The following DNM3 variants were observed in gnomAD, a reference collection of about 807,000 sequenced individuals.
DNM3 encodes the protein dynamin 3, also known as dynamin-3.
DNM3 carries 47 observed loss-of-function variants against 101.6 expected under a neutral mutation model. That is an observed-to-expected ratio of 0.46 (90% CI 0.37 to 0.59). DNM3 has a LOEUF of 0.59. Ranked by LOEUF, DNM3 falls within the 20% of genes least tolerant of loss-of-function variation. The pLI is 0.00. For missense variants in DNM3, 849 were observed against 1,085.7 expected (o/e 0.78, Z 3.06); for synonymous variants, 385 against 387.9 (o/e 0.99, Z 0.09).
At position 172,388,777 on chromosome 1, in the gene DNM3, T is replaced by C; in HGVS notation, c.2490T>C (p.Ser830=). The C allele has an allele frequency of 6.2e-7, 1 of 1,601,514 alleles. No individual in the cohort carries two copies. The highest frequency in any genetic ancestry group is 8.5e-7 in the Non-Finnish European group (1 of 1,174,090). ...DSFGAPPQVP[S]RPTRAPPSVP... Reference sequence around the variant, plus strand: ...TCGGAGCCCCTCCACAAGTTCCATCTAGGCCTACGAGGGCCCCGCCCAGTG... The same window carrying C: ...TCGGAGCCCCTCCACAAGTTCCATCCAGGCCTACGAGGGCCCCGCCCAGTG... The change falls in exon 20 of 21, where the codon TCT becomes TCC. Residue 830 remains serine, a synonymous_variant. Coordinates refer to ENST00000627582, the MANE Select transcript of DNM3 (RefSeq NM_015569.5).
At chr1:171,952,002 T>A (rs551786484) in intron 2 of DNM3, among the ~76,000 whole-genome samples, 42 of 152,304 alleles carry the variant, frequency 2.8e-4, no homozygotes, top group African/African-American at 9.9e-4. Flanking sequence ...ATTTTGTGAT[T>A]GGCAATCAGT....
intron 14 of DNM3, among the ~76,000 whole-genome samples, chr1:172,236,617 A>C (rs1395971574): frequency 6.6e-6 from 1 of 152,050 alleles, no homozygotes; most frequent in Non-Finnish European, 1.5e-5. Context: ...AAAGGAAAGG[A>C]AAAGGAGGGG....
intron 13 of DNM3, among the ~76,000 whole-genome samples, chr1:172,118,967 C>T (rs1371402853): frequency 2.6e-5 from 4 of 151,680 alleles, no homozygotes; most frequent in Admixed American, 2.6e-4. Flanking sequence ...GGGGATTGGT[C>T]AGGCTGATGT....
Position 171,841,721 on chromosome 1 carries a change from C to G in DNM3, c.65C>G (p.Ala22Gly). 6.2e-7 allele frequency: 1 copy of G among 1,611,338 alleles called. No individual in the cohort carries two copies. Among genetic ancestry groups the G allele is most frequent in the Non-Finnish European group, 8.5e-7 (1 of 1,179,282 alleles). The change falls in exon 1 of 21, where the codon GCG (alanine) becomes GGG (glycine). Residue 22 changes from alanine to glycine, a missense_variant. By Grantham distance (60) the Ala-to-Gly change is moderately conservative. Around this residue, in one of 5 missense-constraint regions of DNM3, gnomAD observed 388 missense variants for 483.0 expected, o/e 0.80. Coordinates refer to ENST00000627582, the MANE Select transcript of DNM3 (RefSeq NM_015569.5). ...LVNRLQDAFS[A>G]LGQSCLLELP... The stretch of plus-strand genomic sequence containing the variant: ...AACCGTCTGCAGGACGCGTTTTCGG[C>G]GCTGGGACAGAGCTGCCTGCTGGAG...
At chr1:172,239,153 GTTTAAATAGGCTC>G in intron 14 of DNM3, among the ~76,000 whole-genome samples, 1 of 152,274 alleles carries the variant, frequency 6.6e-6, no homozygotes, top group Non-Finnish European at 1.5e-5. Flanking sequence ...AGAAAGCAGA[GTTTAAATAGGCTC>G]TCACTATTGT....
chr1:172,052,933 C>G (rs577483819), intron 10 of DNM3, among the ~76,000 whole-genome samples: 1 of 152,278 alleles, frequency 6.6e-6, no homozygotes, highest in South Asian at 2.1e-4. Context: ...TCTTTTCTTA[C>G]TTAAGGCCCT....
intron 14 of DNM3, among the ~76,000 whole-genome samples, chr1:172,134,110 C>G (rs2057090518): frequency 6.6e-6 from 1 of 152,130 alleles, no homozygotes; most frequent in African/African-American, 2.4e-5. Flanking sequence ...AAACTCTGAC[C>G]ATGGTCCAGG....
At chr1:171,861,437 A>G (rs2034165834) in intron 1 of DNM3, among the ~76,000 whole-genome samples, 1 of 152,188 alleles carries the variant, frequency 6.6e-6, no homozygotes, top group South Asian at 2.1e-4. Context: ...AAACTGTTAC[A>G]TTCGTGGTCA....
chr1:172,287,711 T>C (rs2063751906), intron 15 of DNM3, among the ~76,000 whole-genome samples: 1 of 151,674 alleles, frequency 6.6e-6, no homozygotes, highest in Admixed American at 6.6e-5. Flanking sequence ...AACCTCCAAT[T>C]TGAATGGTTG....
Position 171,891,717 on chromosome 1 carries a change from T to C in DNM3, c.162-30031T>C, listed in dbSNP as rs189488455. Among the ~76,000 whole-genome samples the C allele has an allele frequency of 2.6e-5, 4 of 152,344 alleles. No homozygotes were observed. In the East Asian group the frequency reaches 7.7e-4, roughly 29 times the overall value. The stretch of plus-strand genomic sequence containing the variant: ...CTCTGATGTTTTTCTCACGGAGTTA[T>C]GTGTTTTTGGGAGAAAGATCACAGA... On this transcript the variant is annotated intron_variant, in intron 1 of 20. Coordinates refer to ENST00000627582, the MANE Select transcript of DNM3 (RefSeq NM_015569.5).
At chr1:171,943,454 A>G (rs2041952002) in intron 2 of DNM3, among the ~76,000 whole-genome samples, 1 of 152,200 alleles carries the variant, frequency 6.6e-6, no homozygotes, top group South Asian at 2.1e-4. Context: ...ACAATCTATT[A>G]TCTCTAAAAC....
At chr1:172,073,812 G>A (rs2052414659) in intron 11 of DNM3, among the ~76,000 whole-genome samples, 1 of 152,166 alleles carries the variant, frequency 6.6e-6, no homozygotes, top group African/African-American at 2.4e-5. Context: ...GAAAGAGACA[G>A]GATTCAGTTG....
intron 1 of DNM3, among the ~76,000 whole-genome samples, chr1:171,921,105 G>GTT (rs1229865520): frequency 7.1e-6 from 1 of 141,638 alleles, no homozygotes; most frequent in Non-Finnish European, 1.5e-5. Context: ...TTTTTGTAGG[G>GTT]TTTTTTTTTT....
intron 14 of DNM3, among the ~76,000 whole-genome samples, chr1:172,150,772 C>T (rs74126011): frequency 0.028 from 4,224 of 152,262 alleles, 200 homozygotes; most frequent in African/African-American, 0.096. Flanking sequence ...ATCTCTAAAA[C>T]AGGGTTTTCT....
intron 15 of DNM3, among the ~76,000 whole-genome samples, chr1:172,281,207 G>A (rs1439016134): frequency 6.6e-6 from 1 of 151,954 alleles, no homozygotes; most frequent in African/African-American, 2.4e-5. Flanking sequence ...GTATAGAGAA[G>A]GATATACTAC....
chr1:172,387,432 C>G, intron 19 of DNM3, 73 bp downstream of exon 19: 1 of 1,265,682 alleles, frequency 7.9e-7, no homozygotes, highest in South Asian at 1.3e-5. Context: ...CCGAGGCGGG[C>G]GGATCACGAG....
chr1:172,339,054 GA>G, intron 17 of DNM3: 1 of 492,718 alleles, frequency 2.0e-6, no homozygotes. Flanking sequence ...AAATAAAAAA[GA>G]AAGTTTGATT....
At chr1:172,145,674 G>A (rs532445676) in intron 14 of DNM3, among the ~76,000 whole-genome samples, 1 of 152,206 alleles carries the variant, frequency 6.6e-6, no homozygotes, top group East Asian at 1.9e-4. Flanking sequence ...GTTTTTGTTT[G>A]AAGCATCCAC....
intron 15 of DNM3, among the ~76,000 whole-genome samples, chr1:172,280,182 C>A (rs1034949228): frequency 6.6e-6 from 1 of 152,112 alleles, no homozygotes; most frequent in Non-Finnish European, 1.5e-5. Flanking sequence ...TGCCCCACCC[C>A]CTCAGTTCAT....
Sources: allele counts gnomAD v4.1 joint callset (sites outside exome capture counted in the v4.1 genomes callset), GRCh38; gene constraint gnomAD v4.1.1; regional missense constraint gnomAD v4.1.1; transcripts MANE v1.5; gene names NCBI Gene and HGNC (gene_info 2026-07-23, HGNC 2026-07-21).